The following MACROD2 variants were observed in gnomAD, a reference collection of about 807,000 sequenced individuals.
MACROD2 encodes ADP-ribose glycohydrolase MACROD2.
In MACROD2, 36 loss-of-function variants were observed where a neutral mutation model predicts 70.4. The ratio of observed to expected loss-of-function variants is 0.51; its 90% CI spans 0.39 to 0.68. The LOEUF is 0.68. MACROD2 is among the 30% of genes least tolerant of loss of function. The pLI is 0.00. For synonymous variants in MACROD2, 172 were observed against 178.8 expected (o/e 0.96, Z 0.30); for missense variants, 496 against 538.4 (o/e 0.92, Z 0.78).
chr20:15,120,499 C>A (rs1265739430), intron 5 of MACROD2, among the ~76,000 whole-genome samples: 2 of 152,124 alleles, frequency 1.3e-5, no homozygotes, highest in Admixed American at 1.3e-4. Context: ...TACATGCAGC[C>A]ATCATGAATT....
chr20:15,813,748 C>T (rs2063844260), intron 8 of MACROD2, among the ~76,000 whole-genome samples: 1 of 152,152 alleles, frequency 6.6e-6, no homozygotes, highest in African/African-American at 2.4e-5. Flanking sequence ...CACTGCACTT[C>T]AGCCTGGGAG....
intron 6 of MACROD2, among the ~76,000 whole-genome samples, chr20:15,236,156 G>A (rs185380976): frequency 6.6e-6 from 1 of 152,196 alleles, no homozygotes; most frequent in Non-Finnish European, 1.5e-5. Context: ...CTTTGATTTA[G>A]CCAGTGTGGG....
chr20:15,495,324 C>G (rs1229521136), intron 7 of MACROD2, among the ~76,000 whole-genome samples: 6 of 152,160 alleles, frequency 3.9e-5, no homozygotes, highest in African/African-American at 1.4e-4. Flanking sequence ...CATGCTTTAC[C>G]TTGTATATCC....
chr20:14,175,279 G>A (rs868019212), intron 3 of MACROD2, among the ~76,000 whole-genome samples: 11 of 152,040 alleles, frequency 7.2e-5, no homozygotes, highest in Non-Finnish European at 4.4e-5. Flanking sequence ...CTTGTCTTTG[G>A]GTTTCCCTAA....
chr20:16,045,819 CG>C, intron 17 of MACROD2, among the ~76,000 whole-genome samples: 1 of 152,048 alleles, frequency 6.6e-6, no homozygotes, highest in South Asian at 2.1e-4. Context: ...TATCACTGGA[CG>C]GGGGCAGCGG....
rs2075964793 is a variant in MACROD2, at chr20:15,112,809, T to C, written c.419-117131T>C. ...AACTCTTCCTTAATCTCTCCACCTA[T>C]CCCCTGGATACTACCATTCTGCTTT... On this transcript the variant is annotated intron_variant, in intron 5 of 17. Coordinates refer to ENST00000684519, the MANE Select transcript of MACROD2 (RefSeq NM_001351661.2). 2.0e-5 allele frequency among the ~76,000 whole-genome samples: 3 copies of C among 152,146 alleles called. 1 individual carries two copies. The South Asian group carries it at 6.2e-4, about 32-fold the overall frequency.
At chr20:15,968,788 A>G (rs1340534919) in intron 13 of MACROD2, among the ~76,000 whole-genome samples, 1 of 134,404 alleles carries the variant, frequency 7.4e-6, no homozygotes, top group Non-Finnish European at 1.6e-5. Flanking sequence ...ATAATATTAT[A>G]TATTATGCGT....
rs1600183351 is a variant in MACROD2, at chr20:15,275,794, T to C, written c.540+45733T>C. 5.9e-5 allele frequency among the ~76,000 whole-genome samples: 9 copies of C among 152,278 alleles called. No individual in the cohort carries two copies. The South Asian group carries it at 1.9e-3, about 32-fold the overall frequency. ...GGAGACTCAGGCCTGTCTCTTAGCA[T>C]TGAAGGTTCCTGAGCTCCCAGCAGG... On this transcript the variant is annotated intron_variant, in intron 6 of 17. Coordinates refer to ENST00000684519, the MANE Select transcript of MACROD2 (RefSeq NM_001351661.2).
chr20:15,612,351 G>A lies in MACROD2; in HGVS notation c.645+112504G>A, dbSNP rs551174319. ...TGCCTCTATTGCGTCGACTCTTCTG[G>A]GAGATAATGGTCCCTGATGCTGTTC... On this transcript the variant is annotated intron_variant, in intron 8 of 17. Transcript: ENST00000684519. 9.2e-5 allele frequency among the ~76,000 whole-genome samples: 14 copies of A among 152,214 alleles called. No homozygotes were observed. The East Asian group carries it at 2.3e-3, about 25-fold the overall frequency.
At chr20:15,355,520 T>G (rs2423949) in intron 6 of MACROD2, among the ~76,000 whole-genome samples, 94,445 of 152,002 alleles carry the variant, frequency 0.62, 29,443 homozygotes, top group East Asian at 0.75. Flanking sequence ...TTAGTGTCCA[T>G]AATTTTTATT....
At chr20:15,560,762 C>CAAAAAAAAAAAAAAAAAAAA (rs71190190) in intron 8 of MACROD2, among the ~76,000 whole-genome samples, 10 of 22,084 alleles carry the variant, frequency 4.5e-4, no homozygotes, top group East Asian at 1.1e-3. Flanking sequence ...AACAAAGTCT[C>CAAAAAAAAAAAAAAAAAAAA]AAAAAAAAAA....
intron 6 of MACROD2, among the ~76,000 whole-genome samples, chr20:15,252,841 A>G (rs1440779961): frequency 6.6e-6 from 1 of 152,090 alleles, no homozygotes; most frequent in Non-Finnish European, 1.5e-5. Flanking sequence ...CCACAGACTC[A>G]CCAGAGAAGG....
At chr20:14,885,840 C>A (rs1008861707) in intron 5 of MACROD2, among the ~76,000 whole-genome samples, 23 of 152,180 alleles carry the variant, frequency 1.5e-4, no homozygotes, top group African/African-American at 4.1e-4. Flanking sequence ...TTTTCAATTG[C>A]TCACTTCCTC....
At chr20:15,614,559 A>T (rs1463147161) in intron 8 of MACROD2, among the ~76,000 whole-genome samples, 3 of 152,164 alleles carry the variant, frequency 2.0e-5, no homozygotes, top group African/African-American at 7.2e-5. Context: ...AGCTATTTGC[A>T]TTGGCAATAC....
intron 5 of MACROD2, among the ~76,000 whole-genome samples, chr20:14,737,388 A>G (rs1015255136): frequency 1.3e-5 from 2 of 152,104 alleles, no homozygotes; most frequent in African/African-American, 4.8e-5. Flanking sequence ...AGTCTTTGCT[A>G]TTGTGAATAG....
At chr20:15,904,631 G>A (rs908591397) in intron 10 of MACROD2, among the ~76,000 whole-genome samples, 2 of 151,758 alleles carry the variant, frequency 1.3e-5, no homozygotes, top group African/African-American at 2.4e-5. Context: ...GGTGGCTCAC[G>A]CCTGTAATCC....
intron 4 of MACROD2, among the ~76,000 whole-genome samples, chr20:14,681,852 G>A (rs2070936406): frequency 6.6e-6 from 1 of 152,164 alleles, no homozygotes; most frequent in Non-Finnish European, 1.5e-5. Flanking sequence ...TTAAGAGCAT[G>A]GTTGCAATAT....
chr20:14,668,169 G>T (rs1412532632), intron 4 of MACROD2, among the ~76,000 whole-genome samples: 2 of 151,412 alleles, frequency 1.3e-5, no homozygotes, highest in East Asian at 1.9e-4. Context: ...AAAAAAAAAG[G>T]CTCTCACTTT....
chr20:14,099,607 T>C (rs992157581), intron 3 of MACROD2, among the ~76,000 whole-genome samples: 4 of 152,170 alleles, frequency 2.6e-5, no homozygotes, highest in Non-Finnish European at 4.4e-5. Flanking sequence ...TAGTTTCTAG[T>C]CTGGGTGTTT....
Sources: gnomAD v4.1 joint callset for allele counts (sites outside exome capture counted in the v4.1 genomes callset) on GRCh38, gnomAD v4.1.1 for gene constraint, MANE v1.5 for transcripts, NCBI Gene and HGNC (gene_info 2026-07-23, HGNC 2026-07-21) for gene names.